RPA1: variants seen among roughly 807,000 people sequenced by gnomAD.
The protein encoded by RPA1 is replication protein A 70 kDa DNA-binding subunit.
A neutral mutation model predicts 83.0 loss-of-function variants in RPA1; 49 were observed. The observed-to-expected ratio is 0.59, with a 90% CI of 0.47 to 0.75. RPA1 has a LOEUF of 0.75. Ranked by LOEUF, RPA1 falls within the 30% of genes least tolerant of loss-of-function variation. The pLI, the probability that RPA1 is intolerant of heterozygous loss-of-function variation, is 0.00. For synonymous variants in RPA1, 279 were observed against 281.8 expected (o/e 0.99, Z 0.10); for missense variants, 693 against 776.1 (o/e 0.89, Z 1.27).
chr17:1,888,667 TC>T lies in RPA1; in HGVS notation c.1375-5del. ...CTCCGTGCCTCATGCTGTTCTTTTC[TC>T]CCGAAGCCGGACTACTTTAGTTCTG... On this transcript the variant is annotated splice_polypyrimidine_tract_variant and splice_region_variant and intron_variant, in intron 13 of 16. Transcript: ENST00000254719. The T allele has an allele frequency of 6.2e-7, 1 of 1,605,818 alleles. No homozygotes were observed. The highest frequency in any genetic ancestry group is 8.5e-7 in the Non-Finnish European group (1 of 1,173,690).
chr17:1,894,969 A>G (rs774286423), intron 15 of RPA1, 40 bp from the exon 16 acceptor site: 2 of 1,529,362 alleles, frequency 1.3e-6, no homozygotes, highest in Non-Finnish European at 1.8e-6. Flanking sequence ...CAAGTTGTCC[A>G]GTGGTTTCCA....
chr17:1,891,388 T>G (rs572483486), intron 14 of RPA1, among the ~76,000 whole-genome samples: 1 of 151,502 alleles, frequency 6.6e-6, no homozygotes, highest in Non-Finnish European at 1.5e-5. Flanking sequence ...ACTCCCCCGA[T>G]TCACTCAAAA....
Position 1,891,886 on chromosome 17 carries a change from T to C in RPA1, c.1605T>C (p.Ser535=), listed in dbSNP as rs2230931. Residue 535 remains serine (S), a synonymous_variant, in exon 15 of 17, where the codon TCT becomes TCC. Transcript: ENST00000254719. ...ENQWVTCFQE[S]AEAILGQNAA... is the part of the protein sequence containing the mutation. ...AGTGGGTGACTTGTTTCCAGGAGTC[T>C]GCTGAAGCTATCCTTGGACAAAATG... 317,468 of 1,605,116 alleles carry C rather than the reference T, an allele frequency of 0.2. 34,584 individuals are homozygous for C. Among genetic ancestry groups the C allele is most frequent in the African/African-American group, 0.36 (26,924 of 74,832 alleles).
chr17:1,847,679 A>T (rs1912311692), intron 4 of RPA1, among the ~76,000 whole-genome samples: 1 of 152,192 alleles, frequency 6.6e-6, no homozygotes, highest in African/African-American at 2.4e-5. Flanking sequence ...TGTGGGGTCA[A>T]CGGACATCTG....
chr17:1,880,755 A>G (rs1464584816), intron 12 of RPA1, 64 bp downstream of exon 12: 2 of 1,595,950 alleles, frequency 1.3e-6, no homozygotes, highest in South Asian at 1.1e-5. Context: ...GCTGGTTACA[A>G]TCAGCATGGG....
At position 1,897,296 on chromosome 17, in the gene RPA1, A is replaced by T. The variant is rs942007017; in HGVS notation, c.*121A>T. On this transcript the variant is annotated 3_prime_UTR_variant, in exon 17 of 17. Coordinates refer to ENST00000254719, the MANE Select transcript of RPA1 (RefSeq NM_002945.5). ...TGCAGAGGCTCTTGATGGTGGACTA[A>T]GCAATTTCCCCCCTCGTGCGCATCT... is the stretch of plus-strand genomic sequence containing the variant. The T allele has an allele frequency of 2.0e-5, 15 of 747,212 alleles. No individual in the cohort carries two copies. Among genetic ancestry groups the T allele is most frequent in the Non-Finnish European group, 3.3e-5 (15 of 458,116 alleles). 46.3% of individuals were successfully genotyped at this position (747,212 alleles called of 1,614,324 possible). A position where few individuals can be genotyped will look rare whatever the true frequency, so the allele number is the denominator to read the frequency against.
intron 8 of RPA1, 37 bp from the exon 9 acceptor site, chr17:1,878,956 A>C (rs1239443747): frequency 6.2e-7 from 1 of 1,611,066 alleles, no homozygotes; most frequent in Non-Finnish European, 8.5e-7. Context: ...GCCTGTGTTC[A>C]ATCCCGCAGC....
In RPA1 at chr17:1,888,492, T is replaced by C. The variant is rs1597458719; in HGVS notation, c.1375-183T>C. ...GAACTTGGCTTATTACCTTCATGGG[T>C]TTTGTACTCGGCACATGTGATTTCT... is the stretch of plus-strand genomic sequence containing the variant. On this transcript the variant is annotated intron_variant, in intron 13 of 16. Transcript: ENST00000254719. Among the ~76,000 whole-genome samples, 5 of 152,298 alleles carry C rather than the reference T, an allele frequency of 3.3e-5. No individual in the cohort carries two copies. The South Asian group carries it at 1.0e-3, about 32-fold the overall frequency.
Position 1,875,760 on chromosome 17 carries a change from T to C in RPA1, c.554T>C (p.Val185Ala), listed in dbSNP as rs772922108. 6 of 1,614,050 alleles carry C rather than the reference T, an allele frequency of 3.7e-6. No homozygotes were observed. The African/African-American group carries it at 8.0e-5, about 22-fold the overall frequency. ...TCTGGGGGAACACAGTCCAAAGTGG[T>C]GCCCATTGCCAGCCTCACTCCTTAC... ...HTSGGTQSKV[V>A]PIASLTPYQS... Residue 185 changes from valine to alanine, a missense_variant, in exon 7 of 17, where the codon GTG (valine) becomes GCG (alanine). Coordinates refer to ENST00000254719, the MANE Select transcript of RPA1 (RefSeq NM_002945.5).
At chr17:1,840,321 G>A (rs935683890) in intron 1 of RPA1, among the ~76,000 whole-genome samples, 2 of 151,624 alleles carry the variant, frequency 1.3e-5, no homozygotes, top group Non-Finnish European at 2.9e-5. Context: ...GATTCTTTCT[G>A]TGCTGCCCAG....
Position 1,888,752 on chromosome 17 carries a change from G to A in RPA1, c.1452G>A (p.Gln484=). 1.2e-6 allele frequency: 2 copies of A among 1,614,200 alleles called. No homozygotes were observed. Among genetic ancestry groups the A allele is most frequent in the Middle Eastern group, 1.6e-4 (1 of 6,062 alleles). ...ENCMYQACPT[Q]DCNKKVIDQQ... is the part of the protein sequence containing the mutation. The stretch of plus-strand genomic sequence containing the variant: ...GCATGTACCAAGCCTGCCCGACTCA[G>A]GACTGCAATAAGAAAGTGATTGATC... Residue 484 remains glutamine (Q), a synonymous_variant, in exon 14 of 17, where the codon CAG becomes CAA. Transcript: ENST00000254719.
At chr17:1,851,531 G>A (rs1912497043) in intron 4 of RPA1, among the ~76,000 whole-genome samples, 1 of 152,118 alleles carries the variant, frequency 6.6e-6, no homozygotes, top group Non-Finnish European at 1.5e-5. Flanking sequence ...TTCTCTGTAA[G>A]TTGATATTAG....
Position 1,899,037 on chromosome 17 carries a change from A to G in RPA1, c.*1862A>G, listed in dbSNP as rs1914553834. ...TGACCAGCCGTGGTACCAGGACAGG[A>G]CGTGTCCAGGGAACGCTGACACCTG... On this transcript the variant is annotated 3_prime_UTR_variant, in exon 17 of 17. Coordinates refer to ENST00000254719, the MANE Select transcript of RPA1 (RefSeq NM_002945.5). The G allele has an allele frequency of 6.5e-6, 1 of 152,820 alleles. No homozygotes were observed. Among genetic ancestry groups the G allele is most frequent in the South Asian group, 2.1e-4 (1 of 4,822 alleles). 9.5% of individuals were successfully genotyped at this position (152,820 alleles called of 1,614,324 possible).
rs1021274754 is a variant in RPA1 at position 1,897,181 on chromosome 17, G to A, written c.*6G>A. 6 of 1,547,016 alleles carry A rather than the reference G, an allele frequency of 3.9e-6. No individual in the cohort carries two copies. The Admixed American group carries it at 1.2e-4, about 31-fold the overall frequency. On this transcript the variant is annotated 3_prime_UTR_variant, in exon 17 of 17. Transcript: ENST00000254719. ...GGAGAAGTGCATTGATGTGAGAGGA[G>A]CAGTGCCAATCGGGCAGAAGTTTGC...
intron 5 of RPA1, among the ~76,000 whole-genome samples, chr17:1,870,150 A>G (rs1913324205): frequency 6.6e-6 from 1 of 152,190 alleles, no homozygotes; most frequent in Non-Finnish European, 1.5e-5. Flanking sequence ...AGGGTATGAT[A>G]ATAGTGTCTA....
In RPA1 at chr17:1,863,635, G is replaced by A. The variant is rs960667777; in HGVS notation, c.362-8799G>A. Among the ~76,000 whole-genome samples the A allele has an allele frequency of 2.6e-5, 4 of 152,226 alleles. No individual in the cohort carries two copies. The East Asian group carries it at 7.7e-4, about 29-fold the overall frequency. ...CTCCCAATGTGCTGGGATTACGAAC[G>A]TGAGCCCCTGCAGGGGGCCGACATC... is the stretch of plus-strand genomic sequence containing the variant. On this transcript the variant is annotated intron_variant, in intron 5 of 16. Coordinates refer to ENST00000254719, the MANE Select transcript of RPA1 (RefSeq NM_002945.5).
At chr17:1,844,729 G>T in intron 4 of RPA1, 43 bp downstream of exon 4, 1 of 1,482,966 alleles carries the variant, frequency 6.7e-7, no homozygotes, top group Non-Finnish European at 9.3e-7. Flanking sequence ...TCGTAGAATG[G>T]GAACAAATTT....
At chr17:1,877,182 A>G (rs750543655) in intron 7 of RPA1, 30 bp from the exon 8 acceptor site, 5 of 1,593,958 alleles carry the variant, frequency 3.1e-6, no homozygotes, top group East Asian at 2.2e-5. Context: ...GGAAGACCCC[A>G]TACACTAATA....
chr17:1,861,250 C>T (rs1039206409), intron 5 of RPA1, among the ~76,000 whole-genome samples: 12 of 152,182 alleles, frequency 7.9e-5, no homozygotes, highest in Admixed American at 6.5e-4. Flanking sequence ...ACGGCGATCT[C>T]CCCAGACTCT....
Sources: gnomAD v4.1 joint callset for allele counts (sites outside exome capture counted in the v4.1 genomes callset) on GRCh38, gnomAD v4.1.1 for gene constraint, MANE v1.5 for transcripts, NCBI Gene and HGNC (gene_info 2026-07-23, HGNC 2026-07-21) for gene names.